PIK3C2G: variants seen among roughly 807,000 people sequenced by gnomAD.
PIK3C2G encodes the protein phosphatidylinositol 3-kinase C2 domain-containing subunit gamma.
Under a neutral mutation model 181.1 loss-of-function variants are expected in PIK3C2G, and 168 were observed. The observed-to-expected ratio is 0.93, with a 90% CI of 0.82 to 1.05. The LOEUF is 1.05. Ranked by LOEUF, PIK3C2G falls within the 50% of genes least tolerant of loss-of-function variation. The probability of loss-of-function intolerance (pLI) is 0.00; values close to 1 mark genes in which losing one functional copy is unlikely to be tolerated. For missense variants in PIK3C2G, 1,869 were observed against 1,732.8 expected, an observed-to-expected ratio of 1.08 and a Z score of -1.40; for synonymous variants, 573 against 592.2, an observed-to-expected ratio of 0.97 and a Z score of 0.47.
chr12:18,683,439 T>C, the PIK3C2G span: 3 of 1,430,530 alleles, frequency 2.1e-6, no homozygotes, highest in African/African-American at 2.8e-5. Context: ...ACCATGACTA[T>C]AGAGTTATAT....
chr12:18,272,465 AT>A lies in PIK3C2G; in HGVS notation c.-78-9537del, dbSNP rs374864227. 1.1e-3 allele frequency among the ~76,000 whole-genome samples: 174 copies of A among 152,244 alleles called. 1 individual carries two copies. The highest frequency in any genetic ancestry group is 4.0e-3 in the African/African-American group (168 of 41,562). ...CAATGCTTGATGCCTAGTTTTTATAATTCATTAGTTTCTGTAAAATATTGAT... is the reference window on the plus strand; with the variant it reads ...CAATGCTTGATGCCTAGTTTTTATAATCATTAGTTTCTGTAAAATATTGAT... On this transcript the variant is annotated intron_variant, in intron 1 of 32. Coordinates refer to ENST00000538779, the MANE Select transcript of PIK3C2G (RefSeq NM_001288772.2).
chr12:18,552,405 T>G (rs1011501254), intron 26 of PIK3C2G, among the ~76,000 whole-genome samples: 1 of 151,872 alleles, frequency 6.6e-6, no homozygotes, highest in African/African-American at 2.4e-5. Flanking sequence ...AATTTTCTTA[T>G]TTTTTTTACT....
chr12:18,446,049 T>G (rs894012163), intron 18 of PIK3C2G, among the ~76,000 whole-genome samples: 1 of 152,168 alleles, frequency 6.6e-6, no homozygotes, highest in Admixed American at 6.5e-5. Context: ...GTAAGAAAAG[T>G]AGATAATTTT....
intron 31 of PIK3C2G, among the ~76,000 whole-genome samples, chr12:18,625,446 T>A (rs1949054432): frequency 6.6e-6 from 1 of 151,818 alleles, no homozygotes. Flanking sequence ...TAACATATGA[T>A]CTGTCCTGAA....
intron 31 of PIK3C2G, among the ~76,000 whole-genome samples, chr12:18,624,182 C>G (rs1948990398): frequency 1.3e-5 from 2 of 151,446 alleles, no homozygotes; most frequent in African/African-American, 4.8e-5. Flanking sequence ...CATATATGGC[C>G]TTAATTGTGC....
intron 6 of PIK3C2G, among the ~76,000 whole-genome samples, chr12:18,318,116 T>C (rs1950947684): frequency 6.6e-6 from 1 of 152,228 alleles, no homozygotes; most frequent in Non-Finnish European, 1.5e-5. Context: ...GTGTGTTATG[T>C]CAAAACAGTA....
chr12:18,574,333 C>G (rs536153703), intron 29 of PIK3C2G, among the ~76,000 whole-genome samples: 1 of 152,292 alleles, frequency 6.6e-6, no homozygotes, highest in Admixed American at 6.5e-5. Context: ...ACTTTAATGT[C>G]ACCCATGAGA....
chr12:18,613,110 G>A (rs1948426429), intron 31 of PIK3C2G, among the ~76,000 whole-genome samples: 2 of 151,980 alleles, frequency 1.3e-5, no homozygotes, highest in Non-Finnish European at 2.9e-5. Flanking sequence ...CCATGTATCC[G>A]TCCTTAAAAT....
At chr12:18,651,253 G>C (rs10734679), downstream of PIK3C2G, among the ~76,000 whole-genome samples, 101,016 of 151,664 alleles carry the variant, frequency 0.67, 33,954 homozygotes, top group East Asian at 0.9. Flanking sequence ...GTATCCATTT[G>C]CCTAGCTCCC....
intron 8 of PIK3C2G, among the ~76,000 whole-genome samples, chr12:18,325,462 A>G (rs1951296725): frequency 6.6e-6 from 1 of 152,170 alleles, no homozygotes; most frequent in Non-Finnish European, 1.5e-5. Context: ...GAACAGAGGC[A>G]CTTTGGGAGT....
intron 31 of PIK3C2G, among the ~76,000 whole-genome samples, chr12:18,638,798 A>G (rs1479140212): frequency 2.6e-5 from 4 of 152,106 alleles, no homozygotes; most frequent in Non-Finnish European, 5.9e-5. Context: ...TGCAATCAGA[A>G]AATCCATTTC....
intron 1 of PIK3C2G, among the ~76,000 whole-genome samples, chr12:18,255,433 C>G (rs1041232170): frequency 6.6e-6 from 1 of 152,010 alleles, no homozygotes. Flanking sequence ...GCCGTGTAAA[C>G]AAGACAAAAT....
upstream of PIK3C2G, among the ~76,000 whole-genome samples, chr12:18,258,278 ATT>A (rs68125582): frequency 7.3e-5 from 11 of 150,208 alleles, no homozygotes; most frequent in South Asian, 1.3e-3. Context: ...TTCCCATACC[ATT>A]TTTTTTTTGT....
At chr12:18,512,449 A>C (rs1942270918) in intron 24 of PIK3C2G, among the ~76,000 whole-genome samples, 1 of 151,962 alleles carries the variant, frequency 6.6e-6, no homozygotes, top group Admixed American at 6.6e-5. Flanking sequence ...AAGAACACAG[A>C]AAATCTTTTA....
At chr12:18,678,973 A>G in the PIK3C2G span, among the ~76,000 whole-genome samples, 9 of 152,184 alleles carry the variant, frequency 5.9e-5, no homozygotes, top group African/African-American at 1.9e-4. Flanking sequence ...GATTGAGTTC[A>G]GTTCTCCACA....
chr12:18,283,239 C>G (rs1467997643), intron 2 of PIK3C2G, among the ~76,000 whole-genome samples: 1 of 152,078 alleles, frequency 6.6e-6, no homozygotes, highest in Admixed American at 6.5e-5. Flanking sequence ...CAGGCAACTT[C>G]TATTGAGATC....
intron 16 of PIK3C2G, among the ~76,000 whole-genome samples, chr12:18,413,962 G>C (rs1376226653): frequency 6.6e-6 from 1 of 152,120 alleles, no homozygotes; most frequent in Non-Finnish European, 1.5e-5. Context: ...TATCCCAAAA[G>C]AGTGTTTAAA....
chr12:18,282,026 AT>A lies in PIK3C2G; in HGVS notation c.-54del. On this transcript the variant is annotated 5_prime_UTR_variant, in exon 2 of 33. An upstream open reading frame in the 5' UTR gains an earlier in-frame stop. Coordinates refer to ENST00000538779, the MANE Select transcript of PIK3C2G (RefSeq NM_001288772.2). ...TAGGAAAATTTCTATCTTCTTTTGT[AT>A]TATCAAGGAGATATTTGGAGCAGAG... 1.0e-6 allele frequency: 1 copy of A among 971,398 alleles called. No homozygotes were observed. The highest frequency in any genetic ancestry group is 1.7e-5 in the South Asian group (1 of 57,568). 60.2% of individuals were successfully genotyped at this position (971,398 alleles called of 1,614,324 possible). A position where few individuals can be genotyped will look rare whatever the true frequency, so the allele number is the denominator to read the frequency against.
At chr12:18,723,712 T>C in the PIK3C2G span, among the ~76,000 whole-genome samples, 2 of 152,048 alleles carry the variant, frequency 1.3e-5, no homozygotes, top group Non-Finnish European at 2.9e-5. Context: ...GACGTCAAAA[T>C]TGGAAAAGGG....
Sources: allele counts gnomAD v4.1 joint callset (sites outside exome capture counted in the v4.1 genomes callset), GRCh38; gene constraint gnomAD v4.1.1; transcripts MANE v1.5; gene names NCBI Gene and HGNC (gene_info 2026-07-23, HGNC 2026-07-21).